Variants in SLIT2 observed in about 807,000 individuals in gnomAD.
SLIT2 encodes the protein slit guidance ligand 2.
In SLIT2, 41 loss-of-function variants were observed where a neutral mutation model predicts 185.7. That is an observed-to-expected ratio of 0.22 (90% CI 0.17 to 0.29). The LOEUF is 0.29. SLIT2 is among the 10% of genes least tolerant of loss of function. The pLI is 1.00. For synonymous variants in SLIT2, 693 were observed against 680.2 expected (o/e 1.02, Z -0.29); for missense variants, 1,571 against 1,909.0 (o/e 0.82, Z 3.30).
intron 4 of SLIT2, among the ~76,000 whole-genome samples, chr4:20,428,386 A>T (rs532852424): frequency 2.0e-5 from 3 of 152,268 alleles, no homozygotes; most frequent in Admixed American, 2.0e-4. Flanking sequence ...CCTAGGGGAA[A>T]ATACTATCTT....
chr4:20,524,777 A>G (rs138850973), intron 14 of SLIT2, among the ~76,000 whole-genome samples: 1 of 142,316 alleles, frequency 7.0e-6, no homozygotes, highest in South Asian at 2.2e-4. Flanking sequence ...ATATGAATGC[A>G]TTGTATTGAT....
intron 4 of SLIT2, among the ~76,000 whole-genome samples, chr4:20,309,072 A>G (rs1449553967): frequency 6.6e-6 from 1 of 152,128 alleles, no homozygotes; most frequent in Non-Finnish European, 1.5e-5. Flanking sequence ...TATAAATGAT[A>G]TGATTCTCCT....
chr4:20,336,177 T>A (rs572111658), intron 4 of SLIT2, among the ~76,000 whole-genome samples: 1 of 152,290 alleles, frequency 6.6e-6, no homozygotes, highest in South Asian at 2.1e-4. Flanking sequence ...TCTAGCCACC[T>A]CTTCTCCCAG....
At chr4:20,370,701 G>C (rs1276825228) in intron 4 of SLIT2, among the ~76,000 whole-genome samples, 2 of 152,026 alleles carry the variant, frequency 1.3e-5, no homozygotes, top group Non-Finnish European at 2.9e-5. Flanking sequence ...ATGAGGAAGT[G>C]ACTATAAAGT....
intron 4 of SLIT2, among the ~76,000 whole-genome samples, chr4:20,435,798 C>T (rs910367107): frequency 1.1e-4 from 17 of 152,072 alleles, no homozygotes; most frequent in African/African-American, 3.9e-4. Context: ...TGTGGCATGC[C>T]TAGAAGGTCA....
At chr4:20,298,309 G>T (rs1244375943) in intron 4 of SLIT2, among the ~76,000 whole-genome samples, 1 of 151,940 alleles carries the variant, frequency 6.6e-6, no homozygotes, top group Non-Finnish European at 1.5e-5. Context: ...GGCTGGTCTT[G>T]AACTCCCGAC....
intron 4 of SLIT2, among the ~76,000 whole-genome samples, chr4:20,432,622 C>G (rs184534445): frequency 6.6e-6 from 1 of 151,660 alleles, no homozygotes; most frequent in Non-Finnish European, 1.5e-5. Context: ...CCCTGAGTAT[C>G]CTGTTCCAAG....
At chr4:20,505,352 A>C (rs1034144307) in intron 9 of SLIT2, among the ~76,000 whole-genome samples, 19 of 152,110 alleles carry the variant, frequency 1.2e-4, no homozygotes, top group African/African-American at 4.6e-4. Context: ...TAAGTGACAC[A>C]CCTTGAAAAA....
chr4:20,381,029 G>T (rs558640142), intron 4 of SLIT2, among the ~76,000 whole-genome samples: 9 of 152,080 alleles, frequency 5.9e-5, no homozygotes, highest in Non-Finnish European at 1.2e-4. Context: ...CTAGGCGGGT[G>T]GATCACCTGA....
intron 4 of SLIT2, among the ~76,000 whole-genome samples, chr4:20,421,403 C>T (rs574012077): frequency 2.5e-4 from 38 of 152,238 alleles, no homozygotes; most frequent in African/African-American, 8.7e-4. Flanking sequence ...AGCTGATTCA[C>T]GATGAGTTCC....
chr4:20,449,155 G>A (rs1262538523), intron 4 of SLIT2, among the ~76,000 whole-genome samples: 1 of 151,994 alleles, frequency 6.6e-6, no homozygotes, highest in Non-Finnish European at 1.5e-5. Flanking sequence ...TTCAATTAAA[G>A]TGATTAATTT....
intron 16 of SLIT2, 131 bp downstream of exon 16, chr4:20,529,230 A>G: frequency 3.2e-6 from 2 of 628,660 alleles, no homozygotes; most frequent in Non-Finnish European, 5.1e-6. Context: ...TTACATTGGC[A>G]TAACTCTATT....
intron 5 of SLIT2, among the ~76,000 whole-genome samples, chr4:20,471,475 T>A (rs527982695): frequency 1.2e-4 from 18 of 152,274 alleles, no homozygotes; most frequent in African/African-American, 4.1e-4. Flanking sequence ...CATGCTAGTA[T>A]GTCCATTTAC....
intron 11 of SLIT2, among the ~76,000 whole-genome samples, chr4:20,518,275 CAG>C (rs1560494652): frequency 1.7e-5 from 2 of 116,222 alleles, no homozygotes; most frequent in African/African-American, 7.7e-5. Flanking sequence ...TTTTTTGAGA[CAG>C]AGTCTCGCTC....
intron 4 of SLIT2, among the ~76,000 whole-genome samples, chr4:20,421,938 G>A (rs1728203038): frequency 6.6e-6 from 1 of 152,030 alleles, no homozygotes; most frequent in Non-Finnish European, 1.5e-5. Context: ...TGCTTATTAG[G>A]GATCTACAGG....
At chr4:20,313,311 G>A (rs1718285000) in intron 4 of SLIT2, among the ~76,000 whole-genome samples, 2 of 152,280 alleles carry the variant, frequency 1.3e-5, no homozygotes, top group Admixed American at 6.5e-5. Flanking sequence ...GGCACATCAC[G>A]TGGTAAGAGC....
chr4:20,361,210 A>G (rs766674109), intron 4 of SLIT2, among the ~76,000 whole-genome samples: 1 of 152,086 alleles, frequency 6.6e-6, no homozygotes, highest in Non-Finnish European at 1.5e-5. Context: ...AGAGAATCTC[A>G]TATCTTCTTC....
chr4:20,459,629 C>G (rs193187373), intron 4 of SLIT2, among the ~76,000 whole-genome samples: 88 of 152,256 alleles, frequency 5.8e-4, no homozygotes, highest in African/African-American at 2.0e-3. Flanking sequence ...CTGATCCGTT[C>G]ATTGAGCTGT....
At chr4:20,573,408 A>T (rs1048695901) in intron 29 of SLIT2, 1 of 661,434 alleles carries the variant, frequency 1.5e-6, no homozygotes, top group South Asian at 1.7e-5. Context: ...AGTCATTCAG[A>T]TGTTTAATCT....
Sources: allele counts gnomAD v4.1 joint callset (sites outside exome capture counted in the v4.1 genomes callset), GRCh38; gene constraint gnomAD v4.1.1; transcripts MANE v1.5; gene names NCBI Gene and HGNC (gene_info 2026-07-23, HGNC 2026-07-21).